The following UNC5D variants were observed in gnomAD, a reference collection of about 807,000 sequenced individuals.
The protein encoded by UNC5D is netrin receptor UNC5D.
A neutral mutation model predicts 105.4 loss-of-function variants in UNC5D; 39 were observed. The observed-to-expected ratio is 0.37, with a 90% confidence interval of 0.29 to 0.48. UNC5D has a LOEUF of 0.48. UNC5D is among the 20% of genes least tolerant of loss of function. UNC5D has a pLI of 0.98. For missense variants in UNC5D, 991 were observed against 1,202.4 expected (o/e 0.82, Z 2.60); for synonymous variants, 452 against 450.4 (o/e 1.00, Z -0.04).
In UNC5D at chr8:35,538,401, A is replaced by ATATG. The variant is rs1410106108; in HGVS notation, c.104-10888_104-10887insGTAT. Among the ~76,000 whole-genome samples, 73 of 30,712 alleles carry ATATG rather than the reference A, an allele frequency of 2.4e-3. 1 individual carries two copies. Among genetic ancestry groups the ATATG allele is most frequent in the Non-Finnish European group, 2.9e-3 (57 of 19,386 alleles). The allele number at this position is 30,712 out of a possible 152,430, so 20.1% of individuals were successfully genotyped here. A position where few individuals can be genotyped will look rare whatever the true frequency, so the allele number is the denominator to read the frequency against. ...GTGATTTAAAAAAAAATAATTATATATATATATATATATATATATATATAT... is the reference window on the plus strand; with the variant it reads ...GTGATTTAAAAAAAAATAATTATATATATGTATATATATATATATATATATATAT... On this transcript the variant is annotated intron_variant, in intron 1 of 16. Transcript: ENST00000404895.
chr8:35,598,667 A>G (rs915880076), intron 4 of UNC5D, among the ~76,000 whole-genome samples: 17 of 152,214 alleles, frequency 1.1e-4, no homozygotes, highest in African/African-American at 4.1e-4. Context: ...ACTGTCCATC[A>G]ATGGACAAAT....
At chr8:35,309,307 C>T (rs1461516003) in intron 1 of UNC5D, among the ~76,000 whole-genome samples, 4 of 152,186 alleles carry the variant, frequency 2.6e-5, no homozygotes, top group Non-Finnish European at 5.9e-5. Context: ...AGCCCTACTT[C>T]CCCTGTTGCA....
chr8:35,469,371 G>T (rs1281672550), intron 1 of UNC5D, among the ~76,000 whole-genome samples: 1 of 152,154 alleles, frequency 6.6e-6, no homozygotes, highest in Non-Finnish European at 1.5e-5. Context: ...TCTTAGCCTA[G>T]TATTCTTCAT....
chr8:35,761,144 C>G (rs1393473623), intron 14 of UNC5D, among the ~76,000 whole-genome samples: 1 of 152,070 alleles, frequency 6.6e-6, no homozygotes, highest in Non-Finnish European at 1.5e-5. Context: ...ATGTAGGTCT[C>G]TTTGCTTTCT....
chr8:35,337,348 A>G (rs1438227759), intron 1 of UNC5D, among the ~76,000 whole-genome samples: 4 of 152,230 alleles, frequency 2.6e-5, no homozygotes, highest in African/African-American at 9.6e-5. Flanking sequence ...TTAGAGACAG[A>G]GGAAACTTAC....
At chr8:35,443,471 G>A (rs1265484093) in intron 1 of UNC5D, among the ~76,000 whole-genome samples, 2 of 151,834 alleles carry the variant, frequency 1.3e-5, no homozygotes, top group Non-Finnish European at 2.9e-5. Flanking sequence ...ACCTTGAAAA[G>A]AAGAGGCATG....
intron 8 of UNC5D, among the ~76,000 whole-genome samples, chr8:35,719,683 G>A (rs1223278002): frequency 6.6e-6 from 1 of 152,146 alleles, no homozygotes; most frequent in Non-Finnish European, 1.5e-5. Context: ...ATAAATGTTT[G>A]TTGAATTAGT....
chr8:35,595,768 T>C, intron 4 of UNC5D, 111 bp downstream of exon 4: 1 of 892,990 alleles, frequency 1.1e-6, no homozygotes, highest in Non-Finnish European at 1.8e-6. Context: ...TGTCTGGGAT[T>C]CTTGTTGCCT....
chr8:35,262,149 G>A (rs976990545), intron 1 of UNC5D, among the ~76,000 whole-genome samples: 1 of 117,740 alleles, frequency 8.5e-6, no homozygotes, highest in African/African-American at 3.0e-5. Flanking sequence ...GGTGCAATGA[G>A]TAAGAGCTTA....
chr8:35,373,070 C>A (rs1302167093), intron 1 of UNC5D, among the ~76,000 whole-genome samples: 1 of 152,160 alleles, frequency 6.6e-6, no homozygotes, highest in African/African-American at 2.4e-5. Context: ...GCCCCATTCC[C>A]ATGCATTGGC....
chr8:35,471,088 C>T (rs987177959), intron 1 of UNC5D, among the ~76,000 whole-genome samples: 5 of 152,108 alleles, frequency 3.3e-5, no homozygotes, highest in Admixed American at 3.3e-4. Context: ...GCCAGTTCCT[C>T]CATCACTGCT....
chr8:35,462,890 T>G lies in UNC5D; in HGVS notation c.104-86402T>G, dbSNP rs76971827. ...AATTTAAGTTAAGACAGCAACTGAGTTTCTTGATCTCTCCTTACAAAGGTA... is the reference window on the plus strand; with the variant it reads ...AATTTAAGTTAAGACAGCAACTGAGGTTCTTGATCTCTCCTTACAAAGGTA... On this transcript the variant is annotated intron_variant, in intron 1 of 16. Coordinates refer to ENST00000404895, the MANE Select transcript of UNC5D (RefSeq NM_080872.4). Among the ~76,000 whole-genome samples the G allele has an allele frequency of 9.7e-4, 148 of 152,188 alleles. 3 individuals are homozygous for G. In the East Asian group the frequency reaches 0.026, roughly 27 times the overall value.
At chr8:35,255,011 GA>G (rs1291264649) in intron 1 of UNC5D, 5 of 152,202 alleles carry the variant, frequency 3.3e-5, no homozygotes, top group Admixed American at 2.0e-4. Flanking sequence ...AAAGAGAACA[GA>G]AATCTCTAAA....
chr8:35,495,811 A>C (rs566433164), intron 1 of UNC5D, among the ~76,000 whole-genome samples: 4 of 152,212 alleles, frequency 2.6e-5, no homozygotes, highest in Non-Finnish European at 4.4e-5. Flanking sequence ...ATGAAAGAAG[A>C]GATTTCTTAT....
intron 15 of UNC5D, 31 bp downstream of exon 15, chr8:35,767,097 C>A: frequency 1.9e-6 from 3 of 1,576,988 alleles, no homozygotes; most frequent in East Asian, 2.3e-5. Flanking sequence ...TCATTTGACC[C>A]CCTTTCTGAA....
chr8:35,713,543 A>G (rs954165493), intron 8 of UNC5D, among the ~76,000 whole-genome samples: 4 of 152,228 alleles, frequency 2.6e-5, no homozygotes, highest in African/African-American at 9.6e-5. Context: ...TGCCCCACAT[A>G]TCGCATGGGA....
At chr8:35,613,451 A>C (rs1016941747) in intron 4 of UNC5D, among the ~76,000 whole-genome samples, 4 of 152,238 alleles carry the variant, frequency 2.6e-5, no homozygotes, top group African/African-American at 9.6e-5. Context: ...TTTCTGGCCA[A>C]TTAGCAGCCT....
chr8:35,295,887 C>T (rs1337408037), intron 1 of UNC5D, among the ~76,000 whole-genome samples: 1 of 152,162 alleles, frequency 6.6e-6, no homozygotes. Context: ...CTGAGTTTGA[C>T]TCCTTTAGAT....
chr8:35,653,800 G>A (rs2131194041), intron 4 of UNC5D, among the ~76,000 whole-genome samples: 1 of 152,192 alleles, frequency 6.6e-6, no homozygotes, highest in East Asian at 1.9e-4. Context: ...ATTTTAATGT[G>A]TTATACCTTC....
Sources: allele counts gnomAD v4.1 joint callset (sites outside exome capture counted in the v4.1 genomes callset), GRCh38; gene constraint gnomAD v4.1.1; transcripts MANE v1.5; gene names NCBI Gene and HGNC (gene_info 2026-07-23, HGNC 2026-07-21).